Variants in AMMECR1L observed in about 807,000 individuals in gnomAD.
The protein encoded by AMMECR1L is AMMECR1 like, also known as AMMECR1-like protein.
Under a neutral mutation model 36.8 loss-of-function variants are expected in AMMECR1L, and 4 were observed. The ratio of observed to expected loss-of-function variants is 0.11; its 90% CI spans 0.05 to 0.25. The LOEUF (loss-of-function observed/expected upper bound fraction) is 0.25, where lower values mean the gene tolerates loss of function less well. Ranked by LOEUF, AMMECR1L falls within the 10% of genes least tolerant of loss-of-function variation. AMMECR1L has a pLI of 1.00. For missense variants in AMMECR1L, 232 were observed against 392.1 expected (o/e 0.59, Z 3.45); for synonymous variants, 147 against 148.0 (o/e 0.99, Z 0.05).
At chr2:127,877,600 T>C (rs567815279) in intron 2 of AMMECR1L, among the ~76,000 whole-genome samples, 17 of 152,250 alleles carry the variant, frequency 1.1e-4, no homozygotes, top group South Asian at 8.3e-4. Context: ...CCTCCCAAAA[T>C]GCTGGGATTA....
chr2:127,882,122 C>T (rs921127977), intron 2 of AMMECR1L, among the ~76,000 whole-genome samples: 1 of 152,126 alleles, frequency 6.6e-6, no homozygotes, highest in African/African-American at 2.4e-5. Flanking sequence ...TTCACACAAC[C>T]ACCAGATTAA....
chr2:127,882,865 T>C (rs974351176), intron 2 of AMMECR1L, among the ~76,000 whole-genome samples: 2 of 151,992 alleles, frequency 1.3e-5, no homozygotes, highest in Admixed American at 6.6e-5. Flanking sequence ...CTTCCCAGTT[T>C]TGGGATTTAC....
Position 127,871,218 on chromosome 2 carries a change from A to C in AMMECR1L, c.518+31T>G, listed in dbSNP as rs1187171422. ...AGCTATTTCTGATTCTAGCCAATTT[A>C]TCTACAGTTCTTAATGTCTGGTGTC... On this transcript the variant is annotated intron_variant, in intron 4 of 7. Transcript: ENST00000272647. The surrounding 1 kb of genome is among the most constrained non-coding windows in gnomAD (Gnocchi z 4.3). 2 of 1,604,214 alleles carry C rather than the reference A, an allele frequency of 1.2e-6. No homozygotes were observed.
intron 2 of AMMECR1L, among the ~76,000 whole-genome samples, chr2:127,878,713 T>TC (rs1165193108): frequency 6.6e-6 from 1 of 152,174 alleles, no homozygotes; most frequent in Non-Finnish European, 1.5e-5. Context: ...TGTTTACAGT[T>TC]CCCCAACATC....
chr2:127,876,756 G>A (rs1026947290), intron 2 of AMMECR1L, among the ~76,000 whole-genome samples: 4 of 152,082 alleles, frequency 2.6e-5, no homozygotes, highest in Non-Finnish European at 5.9e-5. Context: ...CCTGGCTCAC[G>A]CCTATGAACC....
rs1445084672 is a variant in AMMECR1L at position 127,863,773 on chromosome 2, G to GTC, written c.*1319_*1320dup. 3.3e-5 allele frequency: 5 copies of GTC among 152,582 alleles called. No homozygotes were observed. The highest frequency in any genetic ancestry group is 7.3e-5 in the Non-Finnish European group (5 of 68,028). The allele number at this position is 152,582 out of a possible 1,614,324, so 9.5% of individuals were successfully genotyped here. The stretch of plus-strand genomic sequence containing the variant: ...ACAATATTTTCAAAGCATCTTCCAA[G>GTC]TCCCCTAGTTCTATGAACTTTGCCA... On this transcript the variant is annotated 3_prime_UTR_variant, in exon 8 of 8. Coordinates refer to ENST00000272647, the MANE Select transcript of AMMECR1L (RefSeq NM_001199140.2).
intron 2 of AMMECR1L, among the ~76,000 whole-genome samples, chr2:127,876,454 C>T (rs1312253742): frequency 6.6e-6 from 1 of 151,984 alleles, no homozygotes; most frequent in African/African-American, 2.4e-5. Flanking sequence ...TGAGCCACAC[C>T]TGGCTTCTTT....
intron 2 of AMMECR1L, among the ~76,000 whole-genome samples, chr2:127,875,137 T>C (rs985354553): frequency 2.0e-5 from 3 of 151,720 alleles, no homozygotes; most frequent in Non-Finnish European, 2.9e-5. Flanking sequence ...CAGCTGATGA[T>C]GCGAAGGGAA....
intron 5 of AMMECR1L, among the ~76,000 whole-genome samples, chr2:127,870,056 C>T (rs1453985159): frequency 2.0e-5 from 3 of 152,302 alleles, no homozygotes; most frequent in African/African-American, 7.2e-5. Context: ...GTGGCTCACG[C>T]CTATAATCCC....
chr2:127,864,358 A>G lies in AMMECR1L; in HGVS notation c.*736T>C, dbSNP rs1048814604. 1 of 152,716 alleles carries G rather than the reference A, an allele frequency of 6.5e-6. No individual in the cohort carries two copies. Among genetic ancestry groups the G allele is most frequent in the African/African-American group, 2.4e-5 (1 of 41,458 alleles). 9.5% of individuals were successfully genotyped at this position (152,716 alleles called of 1,614,324 possible). On this transcript the variant is annotated 3_prime_UTR_variant, in exon 8 of 8. Coordinates refer to ENST00000272647, the MANE Select transcript of AMMECR1L (RefSeq NM_001199140.2). The stretch of plus-strand genomic sequence containing the variant: ...TCCATTCCATTCCTCAGCAGGCTAC[A>G]TGACGGAGCTCTGTTCAGTAATCAG...
In AMMECR1L at chr2:127,865,806, G is replaced by C. The variant is rs1170954214; in HGVS notation, c.822-601C>G. Among the ~76,000 whole-genome samples, 1 of 152,190 alleles carries C rather than the reference G, an allele frequency of 6.6e-6. No homozygotes were observed. Among genetic ancestry groups the C allele is most frequent in the Non-Finnish European group, 1.5e-5 (1 of 68,046 alleles). ...GAACAGAATTCATAGCACTTTGGCT[G>C]TGCTCTGGAAAGAGCCATGAGTCAG... On this transcript the variant is annotated intron_variant, in intron 7 of 7. Coordinates refer to ENST00000272647, the MANE Select transcript of AMMECR1L (RefSeq NM_001199140.2). The surrounding 1 kb of genome is among the most constrained non-coding windows in gnomAD (Gnocchi z 5.4).
intron 2 of AMMECR1L, among the ~76,000 whole-genome samples, chr2:127,877,020 A>AATATATATATATATACATATAT (rs1353356322): frequency 1.2e-4 from 18 of 144,932 alleles, no homozygotes; most frequent in South Asian, 2.2e-4. Context: ...TCTGTCTCCA[A>AATATATATATATATACATATAT]ATATATATAT....
chr2:127,867,564 T>C (rs1390523617), intron 6 of AMMECR1L, among the ~76,000 whole-genome samples: 2 of 152,070 alleles, frequency 1.3e-5, no homozygotes, highest in African/African-American at 4.8e-5. Context: ...CTAGGCAATA[T>C]GGTTAAACCT....
In AMMECR1L at chr2:127,866,959, C is replaced by T. The variant is rs942573371; in HGVS notation, c.762G>A (p.Arg254=). ...TAATTGGAGCTTTAAAGCCACCTTTCCTGAGCAAGGAGTCTATTGTCTGGA... is the reference window on the plus strand; with the variant it reads ...TAATTGGAGCTTTAAAGCCACCTTTTCTGAGCAAGGAGTCTATTGTCTGGA... ...DQIQTIDSLL[R]KGGFKAPITS... Residue 254 remains arginine (R), a synonymous_variant, in exon 7 of 8, where the codon AGG becomes AGA. Transcript: ENST00000272647. 1 of 1,614,106 alleles carries T rather than the reference C, an allele frequency of 6.2e-7. No homozygotes were observed. The highest frequency in any genetic ancestry group is 1.3e-5 in the African/African-American group (1 of 74,942).
chr2:127,872,778 C>T (rs1182784938), intron 3 of AMMECR1L, among the ~76,000 whole-genome samples: 1 of 152,202 alleles, frequency 6.6e-6, no homozygotes, highest in African/African-American at 2.4e-5. Context: ...ACCTGTTCTT[C>T]CAAACTGCAT....
rs1322088231 is a variant in AMMECR1L at position 127,869,905 on chromosome 2, A to G, written c.634-361T>C. On this transcript the variant is annotated intron_variant, in intron 5 of 7. Transcript: ENST00000272647. This position sits in a 1 kb window ranked among gnomAD's most constrained non-coding sequence, Gnocchi z 4.7. ...TCCTTCACATCTGATTCCTAATAAAAACTTTTATTTGGCCAGGCGCGGTGG... is the reference window on the plus strand; with the variant it reads ...TCCTTCACATCTGATTCCTAATAAAGACTTTTATTTGGCCAGGCGCGGTGG... Among the ~76,000 whole-genome samples, 1 of 152,214 alleles carries G rather than the reference A, an allele frequency of 6.6e-6. No homozygotes were observed. Among genetic ancestry groups the G allele is most frequent in the Admixed American group, 6.5e-5 (1 of 15,288 alleles).
chr2:127,869,772 G>C lies in AMMECR1L; in HGVS notation c.634-228C>G, dbSNP rs1690874467. On this transcript the variant is annotated intron_variant, in intron 5 of 7. Coordinates refer to ENST00000272647, the MANE Select transcript of AMMECR1L (RefSeq NM_001199140.2). This position sits in a 1 kb window ranked among gnomAD's most constrained non-coding sequence, Gnocchi z 4.7. ...GTGCAGCCAACTCTGAGAATATGAAGGTAGGAGAAATGCATTCTTTAAGTA... is the reference window on the plus strand; with the variant it reads ...GTGCAGCCAACTCTGAGAATATGAACGTAGGAGAAATGCATTCTTTAAGTA... Among the ~76,000 whole-genome samples the C allele has an allele frequency of 6.6e-6, 1 of 152,194 alleles. No homozygotes were observed. The highest frequency in any genetic ancestry group is 2.1e-4 in the South Asian group (1 of 4,830).
At position 127,862,159 on chromosome 2, in the gene AMMECR1L, A is replaced by G. The variant is rs530015419; in HGVS notation, c.*2935T>C. Reference sequence around the variant, plus strand: ...TTCATAATTACAGAGAGAATGTCCTAGCTGTGGGTATTATGAGACAAGCCA... The same window carrying G: ...TTCATAATTACAGAGAGAATGTCCTGGCTGTGGGTATTATGAGACAAGCCA... On this transcript the variant is annotated 3_prime_UTR_variant, in exon 8 of 8. Transcript: ENST00000272647. 1 of 153,766 alleles carries G rather than the reference A, an allele frequency of 6.5e-6. No homozygotes were observed. The highest frequency in any genetic ancestry group is 1.9e-4 in the East Asian group (1 of 5,200). The allele number at this position is 153,766 out of a possible 1,614,324, so 9.5% of individuals were successfully genotyped here. A position where few individuals can be genotyped will look rare whatever the true frequency, so the allele number is the denominator to read the frequency against.
intron 2 of AMMECR1L, among the ~76,000 whole-genome samples, chr2:127,877,873 C>G (rs1320997817): frequency 1.3e-5 from 2 of 151,964 alleles, no homozygotes; most frequent in African/African-American, 4.8e-5. Context: ...CCAGCCTGGG[C>G]AACAAAGTGA....
Sources: gnomAD v4.1 joint callset for allele counts (sites outside exome capture counted in the v4.1 genomes callset) on GRCh38, gnomAD v4.1.1 for gene constraint, Gnocchi (gnomAD v3.1) non-coding constraint, MANE v1.5 for transcripts, NCBI Gene and HGNC (gene_info 2026-07-23, HGNC 2026-07-21) for gene names.